The following TNRC6A variants were observed in gnomAD, a reference collection of about 807,000 sequenced individuals.
TNRC6A encodes the protein trinucleotide repeat containing adaptor 6A, also known as trinucleotide repeat-containing gene 6A protein.
Under a neutral mutation model 221.2 loss-of-function variants are expected in TNRC6A, and 44 were observed. That is an observed-to-expected ratio of 0.20 (90% CI 0.16 to 0.26). The LOEUF is 0.26. Ranked by LOEUF, TNRC6A falls within the 10% of genes least tolerant of loss-of-function variation. The probability of loss-of-function intolerance (pLI) is 1.00; values close to 1 mark genes in which losing one functional copy is unlikely to be tolerated. For missense variants in TNRC6A, 2,199 were observed against 2,404.4 expected (o/e 0.91, Z 1.79); for synonymous variants, 847 against 838.5 (o/e 1.01, Z -0.18).
rs535737725 is a variant in TNRC6A, at chr16:24,669,941, CTTTTTTTTTTTTT to C, written n.402+28947_402+28959del. Reference sequence around the variant, plus strand: ...TCGTTATGACCCTATGAGGCAGCTACTTTTTTTTTTTTTTTTTTTTTTTTTTTAGACAGAGTCT... The same window carrying C: ...TCGTTATGACCCTATGAGGCAGCTACTTTTTTTTTTTTTTAGACAGAGTCT... On this transcript the variant is annotated intron_variant and non_coding_transcript_variant, in intron 2 of 2. Transcript: ENST00000566108. 3.3e-4 allele frequency among the ~76,000 whole-genome samples: 9 copies of C among 27,190 alleles called. 1 individual carries two copies. In the East Asian group the frequency reaches 1.0e-2, roughly 30 times the overall value. 17.8% of individuals were successfully genotyped at this position (27,190 alleles called of 152,430 possible).
At chr16:24,822,551 G>A (rs916464284) in intron 23 of TNRC6A, among the ~76,000 whole-genome samples, 26 of 152,144 alleles carry the variant, frequency 1.7e-4, no homozygotes, top group African/African-American at 6.0e-4. Context: ...TGGGTGTTGA[G>A]CTCCCACCTC....
chr16:24,624,918 C>G (rs190279421), intron 1 of TNRC6A, among the ~76,000 whole-genome samples: 26 of 152,266 alleles, frequency 1.7e-4, no homozygotes, highest in Non-Finnish European at 3.1e-4. Context: ...TTGATGTGTG[C>G]TAAAACTGTT....
chr16:24,698,459 G>A (rs2055905921), intron 2 of TNRC6A, among the ~76,000 whole-genome samples: 1 of 152,152 alleles, frequency 6.6e-6, no homozygotes. Flanking sequence ...CCGGTGTGTG[G>A]TGCGCTTGGA....
At chr16:24,695,755 G>C (rs1046159463) in intron 2 of TNRC6A, among the ~76,000 whole-genome samples, 1 of 152,128 alleles carries the variant, frequency 6.6e-6, no homozygotes, top group African/African-American at 2.4e-5. Context: ...GGAAAAGCAA[G>C]TCTGTTTCAC....
chr16:24,758,469 G>A, intron 4 of TNRC6A, 109 bp downstream of exon 4: 1 of 1,177,442 alleles, frequency 8.5e-7, no homozygotes, highest in Non-Finnish European at 1.2e-6. Context: ...GAAAGAAGCG[G>A]TTGGGATTAG....
rs371700510 is a variant in TNRC6A, at chr16:24,713,445, CAAACAA to C, written n.403-37277_403-37272del. ...ACAAACAAACAAACAAACAAACAAA[CAAACAA>C]AAAAATATATATATATATATGTTAC... On this transcript the variant is annotated intron_variant and non_coding_transcript_variant, in intron 2 of 2. Transcript: ENST00000566108. Among the ~76,000 whole-genome samples, 12 of 80,004 alleles carry C rather than the reference CAAACAA, an allele frequency of 1.5e-4. No homozygotes were observed. The East Asian group carries it at 2.8e-3, about 19-fold the overall frequency. The allele number at this position is 80,004 out of a possible 152,430, so 52.5% of individuals were successfully genotyped here. A position where few individuals can be genotyped will look rare whatever the true frequency, so the allele number is the denominator to read the frequency against.
intron 2 of TNRC6A, among the ~76,000 whole-genome samples, chr16:24,704,273 G>A (rs1475547881): frequency 1.3e-5 from 2 of 151,788 alleles, no homozygotes; most frequent in South Asian, 2.1e-4. Flanking sequence ...TTTGTATTTG[G>A]TAGAGACTGG....
At chr16:24,694,854 G>A (rs2142158872) in intron 2 of TNRC6A, among the ~76,000 whole-genome samples, 1 of 151,874 alleles carries the variant, frequency 6.6e-6, no homozygotes, top group African/African-American at 2.4e-5. Context: ...GATCATTTGA[G>A]CCCAGGCGGT....
At position 24,791,021 on chromosome 16, in the gene TNRC6A, A is replaced by C. The variant is rs369094410; in HGVS notation, c.2379A>C (p.Gly793=). The C allele has an allele frequency of 6.3e-7, 1 of 1,590,876 alleles. No homozygotes were observed. Residue 793 remains glycine, a synonymous_variant, in exon 6 of 25, where the codon GGA becomes GGC. Coordinates refer to ENST00000395799, the MANE Select transcript of TNRC6A (RefSeq NM_014494.4). ...ATCCCAAACCTGCTCTGAGGTGGGG[A>C]GATTCCAAAGGCTCAAACTGCCAGG... is the stretch of plus-strand genomic sequence containing the variant. ...WGDPKPALRW[G]DSKGSNCQGG...
intron 12 of TNRC6A, 94 bp downstream of exon 12, chr16:24,804,413 A>G: frequency 7.2e-7 from 1 of 1,394,788 alleles, no homozygotes; most frequent in Non-Finnish European, 9.7e-7. Context: ...TATATAATAT[A>G]AAGTGTTACA....
chr16:24,723,837 A>T (rs942190276), intron 2 of TNRC6A, among the ~76,000 whole-genome samples: 9 of 152,150 alleles, frequency 5.9e-5, no homozygotes, highest in Non-Finnish European at 8.8e-5. Flanking sequence ...GTTGTTCTCC[A>T]TTCCAGAAAA....
intron 2 of TNRC6A, chr16:24,664,830 C>G (rs568851589): frequency 2.2e-6 from 1 of 445,212 alleles, no homozygotes; most frequent in Non-Finnish European, 4.5e-6. Flanking sequence ...ATAAGAAATC[C>G]CAGAAACCTT....
intron 11 of TNRC6A, among the ~76,000 whole-genome samples, chr16:24,800,637 G>A (rs996421323): frequency 5.3e-5 from 8 of 152,212 alleles, no homozygotes; most frequent in African/African-American, 1.9e-4. Flanking sequence ...TGAATGGCAC[G>A]GAAGTTGCTA....
intron 5 of TNRC6A, among the ~76,000 whole-genome samples, chr16:24,782,074 G>A (rs999490785): frequency 1.3e-4 from 19 of 151,948 alleles, no homozygotes; most frequent in East Asian, 5.8e-4. Context: ...TGCCCGCCTC[G>A]GCCTCCCAAA....
intron 11 of TNRC6A, among the ~76,000 whole-genome samples, chr16:24,800,829 G>T (rs2151953347): frequency 6.6e-6 from 1 of 152,288 alleles, no homozygotes; most frequent in East Asian, 1.9e-4. Context: ...AGCTGCAAGG[G>T]CTGCCCATGC....
chr16:24,709,791 T>C lies in TNRC6A; in HGVS notation n.403-40935T>C, dbSNP rs190959931. Among the ~76,000 whole-genome samples the C allele has an allele frequency of 4.9e-3, 641 of 131,968 alleles. 4 individuals carry two copies. The highest frequency in any genetic ancestry group is 0.019 in the African/African-American group (619 of 32,926). The allele number at this position is 131,968 out of a possible 152,430, so 86.6% of individuals were successfully genotyped here. On this transcript the variant is annotated intron_variant and non_coding_transcript_variant, in intron 2 of 2. Coordinates refer to the TNRC6A transcript ENST00000566108. ...AGTGAGCTATGATTACACTATTGCG[T>C]GCCAGCCTGGGCAACAGAACAAGAC...
chr16:24,648,373 C>T (rs568224531), intron 2 of TNRC6A, among the ~76,000 whole-genome samples: 9 of 150,284 alleles, frequency 6.0e-5, no homozygotes, highest in Non-Finnish European at 8.9e-5. Flanking sequence ...CCAGTTCAAG[C>T]GATTCTCCTG....
intron 3 of TNRC6A, among the ~76,000 whole-genome samples, chr16:24,755,660 T>C (rs772076233): frequency 6.6e-6 from 1 of 152,226 alleles, no homozygotes; most frequent in Non-Finnish European, 1.5e-5. Flanking sequence ...CGAAGTGTGC[T>C]TCAGGACCAT....
chr16:24,666,872 T>C (rs1018736070), intron 2 of TNRC6A, among the ~76,000 whole-genome samples: 10 of 151,624 alleles, frequency 6.6e-5, no homozygotes, highest in Non-Finnish European at 1.0e-4. Flanking sequence ...TCCCAGCATT[T>C]TGGGAGGCTG....
Sources: allele counts gnomAD v4.1 joint callset (sites outside exome capture counted in the v4.1 genomes callset), GRCh38; gene constraint gnomAD v4.1.1; transcripts MANE v1.5; gene names NCBI Gene and HGNC (gene_info 2026-07-23, HGNC 2026-07-21).